Variants in PPHLN1 observed in about 807,000 individuals in gnomAD.
PPHLN1 encodes periphilin 1.
A neutral mutation model predicts 51.3 loss-of-function variants in PPHLN1; 29 were observed. That is an observed-to-expected ratio of 0.57 (90% confidence interval 0.42 to 0.77). The LOEUF (loss-of-function observed/expected upper bound fraction) is 0.77. Ranked by LOEUF, PPHLN1 falls within the 30% of genes least tolerant of loss-of-function variation. PPHLN1 has a pLI of 0.00. For missense variants in PPHLN1, 436 were observed against 438.4 expected, an observed-to-expected ratio of 0.99 and a Z score of 0.05; for synonymous variants, 147 against 147.8, an observed-to-expected ratio of 0.99 and a Z score of 0.04.
chr12:42,334,068 A>G (rs185825809), intron 1 of PPHLN1, among the ~76,000 whole-genome samples: 1 of 152,128 alleles, frequency 6.6e-6, no homozygotes, highest in Non-Finnish European at 1.5e-5. Context: ...TCTGTACTGT[A>G]TCTTAAAAAG....
At chr12:42,410,392 T>G (rs973602618) in intron 9 of PPHLN1, among the ~76,000 whole-genome samples, 13 of 152,220 alleles carry the variant, frequency 8.5e-5, no homozygotes, top group Non-Finnish European at 1.3e-4. Flanking sequence ...CATAGTCAAC[T>G]GTGTACAACC....
intron 9 of PPHLN1, among the ~76,000 whole-genome samples, chr12:42,401,996 A>C (rs1048774655): frequency 2.0e-5 from 3 of 152,082 alleles, no homozygotes; most frequent in Admixed American, 6.5e-5. Flanking sequence ...CTGGGACTAC[A>C]AGTGTGTGCC....
chr12:42,441,735 G>C lies in PPHLN1; in HGVS notation c.*226G>C, dbSNP rs1253962112. The C allele has an allele frequency of 5.1e-6, 6 of 1,167,678 alleles. No individual in the cohort carries two copies. The highest frequency in any genetic ancestry group is 2.2e-6 in the Non-Finnish European group (2 of 928,016). The allele number at this position is 1,167,678 out of a possible 1,614,324, so 72.3% of individuals were successfully genotyped here. On this transcript the variant is annotated 3_prime_UTR_variant, in exon 10 of 10. Transcript: ENST00000358314. ...GGGGTTCACCATGTTGGCCAGGCTA[G>C]TCTCTAACTCCTGGCCTCAAGTGAT...
downstream of PPHLN1, chr12:42,443,045 G>T: frequency 3.5e-6 from 1 of 284,876 alleles, no homozygotes; most frequent in Non-Finnish European, 6.8e-6. Context: ...AATCTTTAAC[G>T]TTATGGGCCT....
intron 9 of PPHLN1, among the ~76,000 whole-genome samples, chr12:42,434,541 G>C (rs2082313655): frequency 6.6e-6 from 1 of 152,208 alleles, no homozygotes; most frequent in East Asian, 1.9e-4. Context: ...TTGGGGGTTA[G>C]TCTTGTGGGA....
chr12:42,344,375 A>G (rs922691225), intron 2 of PPHLN1, among the ~76,000 whole-genome samples: 2 of 152,206 alleles, frequency 1.3e-5, no homozygotes, highest in African/African-American at 4.8e-5. Context: ...ATCAACTCCC[A>G]AAGGAGAAAT....
intron 5 of PPHLN1, among the ~76,000 whole-genome samples, chr12:42,379,614 C>T (rs1204979408): frequency 6.6e-6 from 1 of 151,776 alleles, no homozygotes; most frequent in Non-Finnish European, 1.5e-5. Flanking sequence ...GGATTGTAGG[C>T]AACTGAAGCC....
intron 5 of PPHLN1, among the ~76,000 whole-genome samples, chr12:42,377,271 A>G (rs2076347448): frequency 7.1e-6 from 1 of 140,664 alleles, no homozygotes; most frequent in Non-Finnish European, 1.5e-5. Context: ...TTAGCCAGAT[A>G]CCATCTAAGA....
intron 2 of PPHLN1, among the ~76,000 whole-genome samples, chr12:42,343,611 A>G (rs2071813948): frequency 6.6e-6 from 1 of 152,184 alleles, no homozygotes; most frequent in Non-Finnish European, 1.5e-5. Context: ...TTAATGGGAA[A>G]ATTACATACA....
intron 9 of PPHLN1, among the ~76,000 whole-genome samples, chr12:42,409,453 A>C (rs2079608716): frequency 6.6e-6 from 1 of 152,170 alleles, no homozygotes; most frequent in African/African-American, 2.4e-5. Flanking sequence ...GATGTCTTTT[A>C]AAGGTTAATG....
chr12:42,371,518 C>T (rs533583472), intron 4 of PPHLN1, among the ~76,000 whole-genome samples: 23 of 152,264 alleles, frequency 1.5e-4, no homozygotes, highest in African/African-American at 5.3e-4. Context: ...TTACTCACTG[C>T]TTTTTTAAGG....
chr12:42,400,284 C>T (rs533766632), intron 9 of PPHLN1: 13 of 151,372 alleles, frequency 8.6e-5, no homozygotes, highest in South Asian at 2.1e-4. Context: ...CCGGCTAAAA[C>T]GGTGAAACCC....
chr12:42,432,000 A>G (rs1183659120), intron 9 of PPHLN1: 37 of 1,487,318 alleles, frequency 2.5e-5, no homozygotes, highest in East Asian at 2.3e-5. Flanking sequence ...CTGATTATCA[A>G]GTACGCTGTA....
At chr12:42,402,939 CATAT>C (rs2139377390) in intron 9 of PPHLN1, among the ~76,000 whole-genome samples, 1 of 152,276 alleles carries the variant, frequency 6.6e-6, no homozygotes, top group Non-Finnish European at 1.5e-5. Flanking sequence ...TGCTGTTTCT[CATAT>C]ATAATCTGTT....
intron 5 of PPHLN1, among the ~76,000 whole-genome samples, chr12:42,379,403 T>C (rs1366356601): frequency 6.6e-6 from 1 of 152,042 alleles, no homozygotes; most frequent in African/African-American, 2.4e-5. Flanking sequence ...TCCTTTTATG[T>C]TGTAACCTGT....
chr12:42,393,211 TATTTC>T (rs1209562261), intron 7 of PPHLN1, among the ~76,000 whole-genome samples: 1 of 152,226 alleles, frequency 6.6e-6, no homozygotes, highest in South Asian at 2.1e-4. Flanking sequence ...AGACATTACT[TATTTC>T]ATTAAATATG....
intron 1 of PPHLN1, among the ~76,000 whole-genome samples, chr12:42,327,840 C>T (rs2069043002): frequency 6.6e-6 from 1 of 152,188 alleles, no homozygotes; most frequent in African/African-American, 2.4e-5. Context: ...AGGCAGTTAA[C>T]GTTAATGAAT....
intron 7 of PPHLN1, among the ~76,000 whole-genome samples, chr12:42,389,108 C>T (rs546532667): frequency 2.6e-5 from 4 of 152,018 alleles, no homozygotes; most frequent in African/African-American, 7.2e-5. Context: ...TGTGGTGGCT[C>T]ATGTCCGTAA....
intron 9 of PPHLN1, among the ~76,000 whole-genome samples, chr12:42,436,435 A>C (rs889850989): frequency 6.6e-6 from 1 of 152,202 alleles, no homozygotes. Flanking sequence ...ATTTCTTCAG[A>C]AGTCCAGACT....
Sources: allele counts gnomAD v4.1 joint callset (sites outside exome capture counted in the v4.1 genomes callset), GRCh38; gene constraint gnomAD v4.1.1; transcripts MANE v1.5; gene names NCBI Gene and HGNC (gene_info 2026-07-23, HGNC 2026-07-21).